Variants in ATP6V1C2 observed in about 807,000 individuals in gnomAD.
ATP6V1C2 encodes the protein ATPase H+ transporting V1 subunit C2, also known as V-type proton ATPase subunit C 2.
Under a neutral mutation model 56.8 loss-of-function variants are expected in ATP6V1C2, and 45 were observed. The observed-to-expected ratio is 0.79, with a 90% CI of 0.62 to 1.02. The LOEUF (loss-of-function observed/expected upper bound fraction) is 1.02. Among genes scored for constraint, ATP6V1C2 ranks in the 50% least tolerant of loss-of-function variants. ATP6V1C2 has a pLI of 0.00. For synonymous variants in ATP6V1C2, 220 were observed against 201.3 expected (o/e 1.09, Z -0.79); for missense variants, 463 against 519.7 (o/e 0.89, Z 1.06).
At chr2:10,754,596 T>G (rs1173979643) in intron 4 of ATP6V1C2, among the ~76,000 whole-genome samples, 1 of 146,438 alleles carries the variant, frequency 6.8e-6, no homozygotes, top group Non-Finnish European at 1.5e-5. Context: ...TTTTTTGAGA[T>G]GGAGTCTCGC....
chr2:10,765,222 T>C (rs1664153435), intron 5 of ATP6V1C2, among the ~76,000 whole-genome samples: 1 of 152,180 alleles, frequency 6.6e-6, no homozygotes, highest in East Asian at 1.9e-4. Flanking sequence ...TCCACTCCAC[T>C]TGATAAAATG....
chr2:10,782,147 C>A, intron 12 of ATP6V1C2, 96 bp from the exon 13 acceptor site: 2 of 1,444,668 alleles, frequency 1.4e-6, no homozygotes, highest in Non-Finnish European at 9.5e-7. Context: ...TTGGTTGAAG[C>A]TTTTCACCCT....
intron 3 of ATP6V1C2, 118 bp downstream of exon 3, chr2:10,726,687 T>G: frequency 1.1e-6 from 1 of 941,358 alleles, no homozygotes. Context: ...GTTCCAAAAG[T>G]GAGCAGAGAA....
intron 3 of ATP6V1C2, among the ~76,000 whole-genome samples, chr2:10,734,433 C>T (rs1662145786): frequency 6.6e-6 from 1 of 152,158 alleles, no homozygotes; most frequent in South Asian, 2.1e-4. Context: ...TTTTTCTTCC[C>T]TGTCTTTTGC....
chr2:10,723,227 T>G (rs1033548694), intron 2 of ATP6V1C2, among the ~76,000 whole-genome samples: 17 of 152,170 alleles, frequency 1.1e-4, no homozygotes, highest in Non-Finnish European at 1.5e-4. Context: ...GGGACAAGGT[T>G]GTGGGTAGCA....
At chr2:10,773,876 T>A (rs1664789160) in intron 8 of ATP6V1C2, among the ~76,000 whole-genome samples, 1 of 150,742 alleles carries the variant, frequency 6.6e-6, no homozygotes, top group South Asian at 2.1e-4. Context: ...GCAATCGGGA[T>A]CTAAATTGAA....
chr2:10,734,175 G>A (rs577634201), intron 3 of ATP6V1C2, among the ~76,000 whole-genome samples: 58 of 152,222 alleles, frequency 3.8e-4, no homozygotes, highest in African/African-American at 1.3e-3. Context: ...GCCCTACTGT[G>A]TGTGTCTGCT....
chr2:10,744,700 C>T, intron 3 of ATP6V1C2, among the ~76,000 whole-genome samples: 1 of 135,870 alleles, frequency 7.4e-6, no homozygotes, highest in South Asian at 2.3e-4. Context: ...GACAGAGTCT[C>T]ACTCTGTTGC....
At chr2:10,740,063 G>A (rs1463767222) in intron 3 of ATP6V1C2, among the ~76,000 whole-genome samples, 11 of 141,586 alleles carry the variant, frequency 7.8e-5, no homozygotes, top group Non-Finnish European at 6.0e-5. Context: ...ACTCCAGCCT[G>A]AGTGACAGAG....
chr2:10,746,875 A>G (rs1211002674), intron 3 of ATP6V1C2, among the ~76,000 whole-genome samples: 9 of 152,218 alleles, frequency 5.9e-5, no homozygotes, highest in Non-Finnish European at 1.3e-4. Flanking sequence ...TTATTTAGGT[A>G]TATACTGACA....
intron 3 of ATP6V1C2, among the ~76,000 whole-genome samples, chr2:10,750,820 T>G (rs1663167025): frequency 6.6e-6 from 1 of 152,136 alleles, no homozygotes; most frequent in South Asian, 2.1e-4. Context: ...AGAGGAACCG[T>G]TGGTAGCATT....
chr2:10,737,513 T>C (rs1026793958), intron 3 of ATP6V1C2, among the ~76,000 whole-genome samples: 2 of 152,204 alleles, frequency 1.3e-5, no homozygotes, highest in African/African-American at 2.4e-5. Context: ...ATATATTGCC[T>C]ATTTTTCTAA....
chr2:10,733,664 TAA>T (rs939455954), intron 3 of ATP6V1C2, among the ~76,000 whole-genome samples: 1 of 151,492 alleles, frequency 6.6e-6, no homozygotes, highest in Admixed American at 6.6e-5. Context: ...CTCCCTGTTT[TAA>T]AAAAAAAGTT....
intron 13 of ATP6V1C2, among the ~76,000 whole-genome samples, chr2:10,782,659 T>G (rs1195334719): frequency 6.6e-6 from 1 of 151,722 alleles, no homozygotes; most frequent in African/African-American, 2.4e-5. Context: ...GGTGAAACCC[T>G]GTCTCTACTA....
At chr2:10,778,529 C>T (rs367606026) in intron 11 of ATP6V1C2, 43 bp from the exon 12 acceptor site, 81 of 1,574,680 alleles carry the variant, frequency 5.1e-5, no homozygotes, top group Non-Finnish European at 6.6e-5. Flanking sequence ...CTGTGTCAGG[C>T]GGGGTGTTCA....
chr2:10,769,421 G>A (rs1000467753), intron 6 of ATP6V1C2, among the ~76,000 whole-genome samples: 4 of 152,152 alleles, frequency 2.6e-5, no homozygotes, highest in African/African-American at 9.7e-5. Context: ...GAGAAGCCAG[G>A]TGGCCAGGCT....
At chr2:10,724,888 G>A (rs1189927510) in intron 2 of ATP6V1C2, among the ~76,000 whole-genome samples, 1 of 151,860 alleles carries the variant, frequency 6.6e-6, no homozygotes, top group Non-Finnish European at 1.5e-5. Context: ...GACCAGTTTG[G>A]TCTCAAACCT....
intron 3 of ATP6V1C2, among the ~76,000 whole-genome samples, chr2:10,746,996 C>T (rs1303544878): frequency 2.6e-5 from 4 of 152,140 alleles, no homozygotes; most frequent in East Asian, 1.9e-4. Context: ...CAGCCAGGTG[C>T]GGTGGCTTGC....
At chr2:10,765,145 T>G (rs1664150360) in intron 5 of ATP6V1C2, among the ~76,000 whole-genome samples, 1 of 152,130 alleles carries the variant, frequency 6.6e-6, no homozygotes. Context: ...AGCTCGTTGC[T>G]CTCCACTTGT....
Sources: gnomAD v4.1 joint callset for allele counts (sites outside exome capture counted in the v4.1 genomes callset) on GRCh38, gnomAD v4.1.1 for gene constraint, MANE v1.5 for transcripts, NCBI Gene and HGNC (gene_info 2026-07-23, HGNC 2026-07-21) for gene names.